Variants in CD207 observed in about 807,000 individuals in gnomAD.
CD207 encodes C-type lectin domain family 4 member K.
CD207 carries 28 observed loss-of-function variants against 31.6 expected under a neutral mutation model. That is an observed-to-expected ratio of 0.89 (90% CI 0.66 to 1.21). CD207 has a LOEUF of 1.21. Ranked by LOEUF, CD207 falls within the 50% of genes most tolerant of loss-of-function variation. The pLI is 0.00. For missense variants in CD207, 388 were observed against 397.8 expected (o/e 0.98, Z 0.21); for synonymous variants, 168 against 153.9 (o/e 1.09, Z -0.68).
At chr2:70,835,174 G>C (rs1461458304) in intron 2 of CD207, among the ~76,000 whole-genome samples, 4 of 152,236 alleles carry the variant, frequency 2.6e-5, no homozygotes, top group African/African-American at 9.6e-5. Flanking sequence ...TCAGATTGGT[G>C]GGGGGTGGAC....
At position 70,832,994 on chromosome 2, in the gene CD207, T is replaced by G; in HGVS notation, c.623A>C (p.Tyr208Ser). The G allele has an allele frequency of 6.2e-7, 1 of 1,613,834 alleles. No homozygotes were observed. The highest frequency in any genetic ancestry group is 8.5e-7 in the Non-Finnish European group (1 of 1,179,782). The change falls in exon 4 of 6, where the codon TAC becomes TCC. Residue 208 changes from tyrosine to serine, a missense_variant. By Grantham distance (144) the Tyr-to-Ser change is moderately radical. Coordinates refer to ENST00000410009, the MANE Select transcript of CD207 (RefSeq NM_015717.5). ...GWKYFKGNFYYFSLIPKTWYS... is the reference protein window; with the variant it reads ...GWKYFKGNFYSFSLIPKTWYS... ...CCAGGTCTTTGGAATGAGAGAAAAG[T>G]AATAGAAGTTCCCCTTGAAGTACTT...
At chr2:70,833,091 A>C (rs904623627) in intron 3 of CD207, 40 bp from the exon 4 acceptor site, 1 of 1,607,534 alleles carries the variant, frequency 6.2e-7, no homozygotes, top group African/African-American at 1.3e-5. Context: ...GGTATTCTTG[A>C]TTTCTTGGGA....
downstream of CD207, among the ~76,000 whole-genome samples, chr2:70,827,810 T>G (rs1553399085): frequency 6.6e-6 from 1 of 151,138 alleles, no homozygotes; most frequent in African/African-American, 2.4e-5. Context: ...GATAGATAGA[T>G]CAATAAAGCA....
rs1262760953 is a variant in CD207, at chr2:70,833,784, T to G, written c.427A>C (p.Ser143Arg). Residue 143 changes from serine to arginine, a missense_variant, in exon 3 of 6, where the codon AGT becomes CGT. Coordinates refer to ENST00000410009, the MANE Select transcript of CD207 (RefSeq NM_015717.5). The stretch of plus-strand genomic sequence containing the variant: ...TTTAAGGTACTGACTTCTTCCCAAC[T>G]TCTTGTTAAGATCTGGATCTGTGCG... Reference protein sequence around the residue: ...ANAQIQILTRSWEEVSTLNAQ... With the variant: ...ANAQIQILTRRWEEVSTLNAQ... The G allele has an allele frequency of 6.2e-7, 1 of 1,613,938 alleles. No homozygotes were observed. Among genetic ancestry groups the G allele is most frequent in the Non-Finnish European group, 8.5e-7 (1 of 1,179,914 alleles).
At chr2:70,828,218 A>G (rs782155852), downstream of CD207, among the ~76,000 whole-genome samples, 2 of 152,200 alleles carry the variant, frequency 1.3e-5, no homozygotes, top group Non-Finnish European at 2.9e-5. Context: ...AGCACTATCA[A>G]TGGTGGGACT....
the CD207 span, among the ~76,000 whole-genome samples, chr2:70,825,034 A>C: frequency 0.021 from 3,203 of 152,296 alleles, 118 homozygotes; most frequent in African/African-American, 0.073. Context: ...CTGGAGATCA[A>C]GGTCAACGCC....
At chr2:70,833,601 C>T in intron 3 of CD207, 45 bp downstream of exon 3, 1 of 1,533,334 alleles carries the variant, frequency 6.5e-7, no homozygotes, top group Non-Finnish European at 8.8e-7. Context: ...GGTAAGATCC[C>T]ATGGGCCACT....
At chr2:70,829,723 G>A (rs1553399359), downstream of CD207, among the ~76,000 whole-genome samples, 1 of 152,150 alleles carries the variant, frequency 6.6e-6, no homozygotes, top group Non-Finnish European at 1.5e-5. Flanking sequence ...TGACCCATTT[G>A]CACCCAGAAC....
downstream of CD207, among the ~76,000 whole-genome samples, chr2:70,829,465 G>C (rs1318403321): frequency 6.6e-6 from 1 of 152,236 alleles, no homozygotes; most frequent in Non-Finnish European, 1.5e-5. Flanking sequence ...TCCTGTAGGA[G>C]GATGTGATTG....
chr2:70,826,731 T>C (rs1166218344), downstream of CD207, among the ~76,000 whole-genome samples: 5 of 152,126 alleles, frequency 3.3e-5, no homozygotes, highest in African/African-American at 1.2e-4. Flanking sequence ...AAAGGTGAAC[T>C]CAAAATACAG....
At chr2:70,828,610 C>G (rs1325583905), downstream of CD207, among the ~76,000 whole-genome samples, 1 of 152,140 alleles carries the variant, frequency 6.6e-6, no homozygotes, top group East Asian at 1.9e-4. Flanking sequence ...CCTCCGGGAC[C>G]TCCATTGCGA....
downstream of CD207, among the ~76,000 whole-genome samples, chr2:70,826,145 C>T (rs782345613): frequency 5.3e-5 from 8 of 151,808 alleles, no homozygotes; most frequent in Non-Finnish European, 1.0e-4. Flanking sequence ...GAGGCCCTGT[C>T]TCAAAAAAAT....
At chr2:70,828,777 T>C (rs1445274287), downstream of CD207, among the ~76,000 whole-genome samples, 1 of 152,180 alleles carries the variant, frequency 6.6e-6, no homozygotes, top group Non-Finnish European at 1.5e-5. Context: ...GCAATTCTCC[T>C]GCCTCAGTCT....
downstream of CD207, among the ~76,000 whole-genome samples, chr2:70,825,852 G>T (rs782446950): frequency 1.3e-5 from 2 of 152,090 alleles, no homozygotes; most frequent in African/African-American, 2.4e-5. Context: ...GTATTTAAAA[G>T]ATATTAGGGA....
intron 2 of CD207, among the ~76,000 whole-genome samples, chr2:70,834,798 A>T (rs1677567675): frequency 6.6e-6 from 1 of 152,178 alleles, no homozygotes; most frequent in African/African-American, 2.4e-5. Flanking sequence ...GGAGAAAAAA[A>T]AACCCAACAG....
At chr2:70,827,334 C>G (rs1677368447), downstream of CD207, among the ~76,000 whole-genome samples, 1 of 151,326 alleles carries the variant, frequency 6.6e-6, no homozygotes, top group African/African-American at 2.4e-5. Flanking sequence ...CATTCTGAGA[C>G]CTGAAAAAAA....
chr2:70,827,656 A>T (rs968899488), downstream of CD207, among the ~76,000 whole-genome samples: 1 of 152,076 alleles, frequency 6.6e-6, no homozygotes, highest in Admixed American at 6.6e-5. Context: ...ACACACACAC[A>T]CCCCACCCAA....
chr2:70,831,794 C>A lies in CD207; in HGVS notation c.743G>T (p.Gly248Val), dbSNP rs1553399864. The A allele has an allele frequency of 6.2e-7, 1 of 1,611,762 alleles. No individual in the cohort carries two copies. The change falls in exon 5 of 6, where the codon GGA (glycine) becomes GTA (valine). Residue 248 changes from glycine (G) to valine (V), a missense_variant. Gly to Val is a moderately radical substitution (Grantham distance 109). Transcript: ENST00000410009. ...EQEFLYKTAG[G>V]LIYWIGLTKA... ...AGTCAGGCCAATCCAGTAGATGAGT[C>A]CCCCCGCTGTTTTATACAGAAACTC...
chr2:70,834,087 G>C lies in CD207; in HGVS notation c.191-67C>G, dbSNP rs1341273795. 8.6e-6 allele frequency: 12 copies of C among 1,388,554 alleles called. No individual in the cohort carries two copies. In the African/African-American group the frequency reaches 1.1e-4, roughly 13 times the overall value. 86.0% of individuals were successfully genotyped at this position (1,388,554 alleles called of 1,614,324 possible). ...AGGGACAGGAGTGGGGGTGTTGTCAGGTTGATCAAAGGAAGGGAAGGAATA... is the reference window on the plus strand; with the variant it reads ...AGGGACAGGAGTGGGGGTGTTGTCACGTTGATCAAAGGAAGGGAAGGAATA... On this transcript the variant is annotated intron_variant, in intron 2 of 5. Transcript: ENST00000410009.
Sources: gnomAD v4.1 joint callset for allele counts (sites outside exome capture counted in the v4.1 genomes callset) on GRCh38, gnomAD v4.1.1 for gene constraint, MANE v1.5 for transcripts, NCBI Gene and HGNC (gene_info 2026-07-23, HGNC 2026-07-21) for gene names.